The following SEMA6B variants were observed in gnomAD, a reference collection of about 807,000 sequenced individuals.
SEMA6B encodes the protein semaphorin-6B.
In SEMA6B, 47 loss-of-function variants were observed where a neutral mutation model predicts 78.6. That is an observed-to-expected ratio of 0.60 (90% CI 0.47 to 0.76). SEMA6B has a LOEUF of 0.76. Among genes scored for constraint, SEMA6B ranks in the 30% least tolerant of loss-of-function variants. SEMA6B has a pLI of 0.00. For synonymous variants in SEMA6B, 632 were observed against 592.2 expected (o/e 1.07, Z -0.98); for missense variants, 1,213 against 1,269.9 (o/e 0.96, Z 0.68).
chr19:4,545,919 C>A (rs920106764), intron 16 of SEMA6B: 1 of 215,872 alleles, frequency 4.6e-6, no homozygotes, highest in Non-Finnish European at 9.5e-6. Flanking sequence ...CTACAGGCGC[C>A]CGCCACCACG....
chr19:4,548,158 G>T lies in SEMA6B; in HGVS notation c.1470C>A (p.Gly490=), dbSNP rs745978570. ...TYRPDRCGRP[G]GGETGQRLLS... ...GCAGCCGCTGCCCTGTCTCGCCACC[G>T]CCGGGCCGTCCACACCTGGGGACAA... The change falls in exon 14 of 17, where the codon GGC becomes GGA. Residue 490 remains glycine, a synonymous_variant. Transcript: ENST00000586582. The T allele has an allele frequency of 6.3e-7, 1 of 1,591,026 alleles. No individual in the cohort carries two copies. The highest frequency in any genetic ancestry group is 8.6e-7 in the Non-Finnish European group (1 of 1,167,358).
intron 5 of SEMA6B, 50 bp from the exon 6 acceptor site, chr19:4,556,139 G>T (rs1254421304): frequency 3.7e-6 from 5 of 1,338,080 alleles, no homozygotes; most frequent in Admixed American, 3.4e-5. Context: ...GCGTGGTCAT[G>T]GTGATGGGCG....
intron 4 of SEMA6B, 39 bp from the exon 5 acceptor site, chr19:4,557,052 C>T (rs1456567208): frequency 1.9e-6 from 3 of 1,605,826 alleles, no homozygotes; most frequent in Non-Finnish European, 2.6e-6. Flanking sequence ...TAACGGGTCC[C>T]AGCAGCCCTG....
At position 4,550,796 on chromosome 19, in the gene SEMA6B, C is replaced by T; in HGVS notation, c.1121+3G>A. ...TGTGACTCAGGATGGAGGGGGTTCT[C>T]ACCGGGGTCGAGGCACCTGATCCTC... On this transcript the variant is annotated splice_donor_region_variant and intron_variant, in intron 11 of 16. Coordinates refer to ENST00000586582, the MANE Select transcript of SEMA6B (RefSeq NM_032108.4). This position sits in a 1 kb window ranked among gnomAD's most constrained non-coding sequence, Gnocchi z 6.6. The T allele has an allele frequency of 1.2e-6, 2 of 1,613,234 alleles. No individual in the cohort carries two copies. The highest frequency in any genetic ancestry group is 2.2e-5 in the South Asian group (2 of 91,068).
chr19:4,559,109 C>T (rs889140874), intron 1 of SEMA6B, among the ~76,000 whole-genome samples: 5 of 151,500 alleles, frequency 3.3e-5, no homozygotes, highest in African/African-American at 1.2e-4. Flanking sequence ...CAGGAGAATC[C>T]CTTGAACCCA....
intron 12 of SEMA6B, 99 bp from the exon 13 acceptor site, chr19:4,548,544 C>T (rs1365225796): frequency 1.3e-5 from 14 of 1,068,264 alleles, no homozygotes; most frequent in Non-Finnish European, 1.6e-5. Context: ...CAGACACTGA[C>T]ACACCAACAC....
chr19:4,555,200 G>C lies in SEMA6B; in HGVS notation c.563-105C>G, dbSNP rs1406343850. The C allele has an allele frequency of 3.2e-6, 4 of 1,261,772 alleles. No homozygotes were observed. Among genetic ancestry groups the C allele is most frequent in the Non-Finnish European group, 1.1e-6 (1 of 898,954 alleles). The allele number at this position is 1,261,772 out of a possible 1,614,324, so 78.2% of individuals were successfully genotyped here. A position where few individuals can be genotyped will look rare whatever the true frequency, so the allele number is the denominator to read the frequency against. ...CTGAGACTGAGTCCTGAGCCTAGGG[G>C]AGCCCCTGTCTCCAGGCTGAGCCCT... On this transcript the variant is annotated intron_variant, in intron 7 of 16. Transcript: ENST00000586582. The surrounding 1 kb of genome is among the most constrained non-coding windows in gnomAD (Gnocchi z 6.1).
At position 4,556,867 on chromosome 19, in the gene SEMA6B, G is replaced by C. The variant is rs533597380; in HGVS notation, c.369+84C>G. On this transcript the variant is annotated intron_variant, in intron 5 of 16. Transcript: ENST00000586582. ...GGCGTGGCCAGGGCTGGCGGGGTGG[G>C]CGTGGCCTGGTCTGATTGGGGCGGG... is the stretch of plus-strand genomic sequence containing the variant. The C allele has an allele frequency of 4.6e-6, 6 of 1,298,850 alleles. No homozygotes were observed. The East Asian group carries it at 1.0e-4, about 22-fold the overall frequency. 80.5% of individuals were successfully genotyped at this position (1,298,850 alleles called of 1,614,324 possible). A position where few individuals can be genotyped will look rare whatever the true frequency, so the allele number is the denominator to read the frequency against.
chr19:4,544,032 C>T lies in SEMA6B; in HGVS notation c.2236G>A (p.Ala746Thr), dbSNP rs1252256815. The change falls in exon 17 of 17, where the codon GCT becomes ACT. Residue 746 changes from alanine to threonine, a missense_variant. Physicochemically the swap from Ala to Thr is moderately conservative, Grantham distance 58. Transcript: ENST00000586582. This position sits in a 1 kb window ranked among gnomAD's most constrained non-coding sequence, Gnocchi z 5.1. ...GCCAGCAGCAGGAGGGAGGATGAAG[C>T]GGAGGCCGGGAGCAGGGGGTGGCCG... ...DHGHPLLPAS[A>T]SSSLLLLAPA... 3 of 1,216,226 alleles carry T rather than the reference C, an allele frequency of 2.5e-6. No individual in the cohort carries two copies. The highest frequency in any genetic ancestry group is 1.6e-5 in the African/African-American group (1 of 62,992). 75.3% of individuals were successfully genotyped at this position (1,216,226 alleles called of 1,614,324 possible). A position where few individuals can be genotyped will look rare whatever the true frequency, so the allele number is the denominator to read the frequency against.
In SEMA6B at chr19:4,555,235, C is replaced by T; in HGVS notation, c.563-140G>A. 1 of 944,574 alleles carries T rather than the reference C, an allele frequency of 1.1e-6. No homozygotes were observed. Among genetic ancestry groups the T allele is most frequent in the Non-Finnish European group, 1.6e-6 (1 of 639,180 alleles). The allele number at this position is 944,574 out of a possible 1,614,324, so 58.5% of individuals were successfully genotyped here. A position where few individuals can be genotyped will look rare whatever the true frequency, so the allele number is the denominator to read the frequency against. ...CTCCAGGCTGAGCCCTGATCCCATC[C>T]AAGCCCCACCTCCATCCAAGCCCTG... On this transcript the variant is annotated intron_variant, in intron 7 of 16. Coordinates refer to ENST00000586582, the MANE Select transcript of SEMA6B (RefSeq NM_032108.4). This position sits in a 1 kb window ranked among gnomAD's most constrained non-coding sequence, Gnocchi z 6.1.
At position 4,550,304 on chromosome 19, in the gene SEMA6B, C is replaced by T. The variant is rs372490952; in HGVS notation, c.1122-32G>A. On this transcript the variant is annotated intron_variant, in intron 11 of 16. Transcript: ENST00000586582. This position sits in a 1 kb window ranked among gnomAD's most constrained non-coding sequence, Gnocchi z 6.6. ...GTGACAAGGGTGTGGTCAGGACGAA[C>T]GTAAAGGTTCTCATAAAGGGGCCTG... The T allele has an allele frequency of 3.4e-5, 54 of 1,609,974 alleles. 1 individual carries two copies. The highest frequency in any genetic ancestry group is 6.7e-5 in the African/African-American group (5 of 74,826).
At chr19:4,557,081 G>A in intron 4 of SEMA6B, 68 bp from the exon 5 acceptor site, 2 of 1,592,654 alleles carry the variant, frequency 1.3e-6, no homozygotes, top group South Asian at 2.2e-5. Flanking sequence ...CGCCGTGCTG[G>A]GCCGAATCCA....
intron 4 of SEMA6B, 40 bp from the exon 5 acceptor site, chr19:4,557,053 A>G: frequency 1.9e-6 from 3 of 1,602,976 alleles, no homozygotes; most frequent in East Asian, 2.2e-5. Flanking sequence ...AACGGGTCCC[A>G]GCAGCCCTGA....
Position 4,544,070 on chromosome 19 carries a change from CG to C in SEMA6B, c.2197del (p.Arg733AlafsTer97), listed in dbSNP as rs1463047419. 2.4e-6 allele frequency: 3 copies of C among 1,230,452 alleles called. No homozygotes were observed. Among genetic ancestry groups the C allele is most frequent in the South Asian group, 6.6e-5 (2 of 30,196 alleles). 76.2% of individuals were successfully genotyped at this position (1,230,452 alleles called of 1,614,324 possible). On this transcript the variant is annotated frameshift_variant, in exon 17 of 17. Transcript: ENST00000586582. LOFTEE classifies it high-confidence loss of function. The surrounding 1 kb of genome is among the most constrained non-coding windows in gnomAD (Gnocchi z 5.1). ...CAGGGGGTGGCCGTGGTCCCAGGCG[CG>C]GGGGCCCAGGGCGTGGGGGTGCGGG... ...PHPHPHALGP[R>X]AWDHGHPLLP...
chr19:4,546,512 C>T, intron 14 of SEMA6B, 43 bp from the exon 15 acceptor site: 3 of 1,428,780 alleles, frequency 2.1e-6, no homozygotes, highest in South Asian at 2.6e-5. Context: ...GTCCAAGTCA[C>T]TTACACAACC....
At chr19:4,547,719 T>G (rs1977205152) in intron 14 of SEMA6B, among the ~76,000 whole-genome samples, 1 of 152,056 alleles carries the variant, frequency 6.6e-6, no homozygotes, top group Non-Finnish European at 1.5e-5. Context: ...TCCTTCAAGG[T>G]CAAAGCCCAA....
In SEMA6B at chr19:4,555,168, C is replaced by G. The variant is rs1297608104; in HGVS notation, c.563-73G>C. 6.5e-7 allele frequency: 1 copy of G among 1,527,454 alleles called. No individual in the cohort carries two copies. Among genetic ancestry groups the G allele is most frequent in the Non-Finnish European group, 9.0e-7 (1 of 1,113,352 alleles). 94.6% of individuals were successfully genotyped at this position (1,527,454 alleles called of 1,614,324 possible). A position where few individuals can be genotyped will look rare whatever the true frequency, so the allele number is the denominator to read the frequency against. ...GCCAGGGGCTGGGTGGGTCGAAACT[C>G]GATTTTCTGAGACTGAGTCCTGAGC... On this transcript the variant is annotated intron_variant, in intron 7 of 16. Transcript: ENST00000586582. This position sits in a 1 kb window ranked among gnomAD's most constrained non-coding sequence, Gnocchi z 6.1.
chr19:4,543,491 G>A lies in SEMA6B; in HGVS notation c.*110C>T. Reference sequence around the variant, plus strand: ...CCCCCACTCCGCGGGTGGGTCGCGGGGGGGACTTGAGCACCCACTCGGAGT... The same window carrying A: ...CCCCCACTCCGCGGGTGGGTCGCGGAGGGGACTTGAGCACCCACTCGGAGT... On this transcript the variant is annotated 3_prime_UTR_variant, in exon 17 of 17. Transcript: ENST00000586582. 1 of 455,834 alleles carries A rather than the reference G, an allele frequency of 2.2e-6. No individual in the cohort carries two copies. The highest frequency in any genetic ancestry group is 3.6e-5 in the East Asian group (1 of 28,020). The allele number at this position is 455,834 out of a possible 1,614,324, so 28.2% of individuals were successfully genotyped here.
chr19:4,553,422 G>C (rs1234324517), intron 9 of SEMA6B, among the ~76,000 whole-genome samples: 1 of 147,528 alleles, frequency 6.8e-6, no homozygotes. Context: ...TAGGTGAGTT[G>C]GATGGGTGGA....
Sources: allele counts gnomAD v4.1 joint callset (sites outside exome capture counted in the v4.1 genomes callset), GRCh38; gene constraint gnomAD v4.1.1; non-coding constraint Gnocchi (gnomAD v3.1); transcripts MANE v1.5; gene names NCBI Gene and HGNC (gene_info 2026-07-23, HGNC 2026-07-21).